IQSEC3: variants seen among roughly 807,000 people sequenced by gnomAD.
The protein encoded by IQSEC3 is IQ motif and SEC7 domain-containing protein 3.
Under a neutral mutation model 105.4 loss-of-function variants are expected in IQSEC3, and 50 were observed. The ratio of observed to expected loss-of-function variants is 0.47; its 90% CI spans 0.38 to 0.60. The LOEUF is 0.60. Among genes scored for constraint, IQSEC3 ranks in the 20% least tolerant of loss-of-function variants. The probability of loss-of-function intolerance (pLI) is 0.00; values close to 1 mark genes in which losing one functional copy is unlikely to be tolerated. For synonymous variants in IQSEC3, 708 were observed against 746.0 expected (o/e 0.95, Z 0.83); for missense variants, 1,415 against 1,630.0 (o/e 0.87, Z 2.27).
chr12:145,960 C>T (rs782050271), intron 5 of IQSEC3, among the ~76,000 whole-genome samples: 6 of 152,172 alleles, frequency 3.9e-5, no homozygotes, highest in African/African-American at 9.7e-5. Context: ...GTTGAGCTGC[C>T]GGAAGAAAGC....
intron 7 of IQSEC3, among the ~76,000 whole-genome samples, chr12:158,457 C>T (rs934853130): frequency 2.0e-5 from 3 of 152,142 alleles, no homozygotes; most frequent in Non-Finnish European, 4.4e-5. Context: ...TGTGTACGGT[C>T]ACGTGCACTG....
intron 4 of IQSEC3, chr12:139,657 G>T (rs1865934461): frequency 3.0e-6 from 1 of 329,630 alleles, no homozygotes; most frequent in Non-Finnish European, 5.5e-6. Context: ...GTAAGAGAAT[G>T]TAAAAGAAAA....
chr12:177,391 T>C lies in IQSEC3; in HGVS notation c.*2358T>C, dbSNP rs929447502. On this transcript the variant is annotated 3_prime_UTR_variant, in exon 14 of 14. Coordinates refer to ENST00000538872, the MANE Select transcript of IQSEC3 (RefSeq NM_001170738.2). The surrounding 1 kb of genome is among the most constrained non-coding windows in gnomAD (Gnocchi z 5.3). ...CCTCCCACCTCAGCTGAAGCCCCAA[T>C]CTTCCAAATCGGAACCAGCAAGTCT... The C allele has an allele frequency of 6.6e-6, 1 of 152,132 alleles. No homozygotes were observed. Among genetic ancestry groups the C allele is most frequent in the Non-Finnish European group, 1.5e-5 (1 of 68,050 alleles). 9.4% of individuals were successfully genotyped at this position (152,132 alleles called of 1,614,324 possible).
At position 102,701 on chromosome 12, in the gene IQSEC3, CTG is replaced by C. The variant is rs200261074; in HGVS notation, c.623+3489_623+3490del. ...GCTGGGGGCTGGTGTCAGGGGAACT[CTG>C]TCTTGGGGCTGGGAGCCGGACAGGG... On this transcript the variant is annotated intron_variant, in intron 2 of 13. Coordinates refer to ENST00000538872, the MANE Select transcript of IQSEC3 (RefSeq NM_001170738.2). 8.6e-3 allele frequency among the ~76,000 whole-genome samples: 1,312 copies of C among 152,328 alleles called. 18 individuals carry two copies. The highest frequency in any genetic ancestry group is 0.028 in the African/African-American group (1,183 of 41,558).
intron 1 of IQSEC3, among the ~76,000 whole-genome samples, chr12:96,396 G>A (rs1448268676): frequency 6.6e-6 from 1 of 152,172 alleles, no homozygotes; most frequent in Non-Finnish European, 1.5e-5. Flanking sequence ...TTAAAAAGGT[G>A]CGAGACTCTT....
intron 2 of IQSEC3, among the ~76,000 whole-genome samples, chr12:110,874 C>G (rs1555079371): frequency 6.6e-6 from 1 of 152,152 alleles, no homozygotes; most frequent in Non-Finnish European, 1.5e-5. Flanking sequence ...TAAGAGGGTA[C>G]CTGTTAGACA....
At chr12:99,001 T>A in intron 1 of IQSEC3, 145 bp from the exon 2 acceptor site, 1 of 663,436 alleles carries the variant, frequency 1.5e-6, no homozygotes, top group Non-Finnish European at 2.6e-6. Flanking sequence ...CCCAGAGCAG[T>A]GATTGGCTGC....
intron 1 of IQSEC3, among the ~76,000 whole-genome samples, chr12:98,256 A>T (rs1864301014): frequency 6.6e-6 from 1 of 152,196 alleles, no homozygotes; most frequent in Non-Finnish European, 1.5e-5. Flanking sequence ...ACAGCATTTT[A>T]GAGGTGGAAG....
chr12:99,460 T>C (rs1337727095), intron 2 of IQSEC3, among the ~76,000 whole-genome samples: 1 of 152,158 alleles, frequency 6.6e-6, no homozygotes, highest in Admixed American at 6.5e-5. Context: ...GCTCCTTCCT[T>C]CTAAACGGCC....
intron 7 of IQSEC3, 108 bp downstream of exon 7, chr12:157,802 T>C: frequency 8.0e-7 from 1 of 1,256,986 alleles, no homozygotes; most frequent in Non-Finnish European, 1.1e-6. Flanking sequence ...GGTCACCTGC[T>C]GTCTGGGCCT....
intron 2 of IQSEC3, among the ~76,000 whole-genome samples, chr12:100,831 G>T (rs1230080267): frequency 6.6e-6 from 1 of 152,172 alleles, no homozygotes; most frequent in Non-Finnish European, 1.5e-5. Context: ...TGAAACGGTG[G>T]AGGGAGAAGG....
Position 171,163 on chromosome 12 carries a change from TA to T in IQSEC3, c.3114+4del. 3.1e-6 allele frequency: 5 copies of T among 1,613,930 alleles called. No homozygotes were observed. Among genetic ancestry groups the T allele is most frequent in the Non-Finnish European group, 4.2e-6 (5 of 1,179,958 alleles). ...AGGCCGGCGGAGAGCACGGTGGAGG[TA>T]AGTGGAGCCCTGGTTGCCCAGGTGA... On this transcript the variant is annotated splice_donor_region_variant and intron_variant, in intron 13 of 13. Coordinates refer to ENST00000538872, the MANE Select transcript of IQSEC3 (RefSeq NM_001170738.2).
intron 2 of IQSEC3, among the ~76,000 whole-genome samples, chr12:117,827 G>A (rs956993250): frequency 6.6e-6 from 1 of 152,216 alleles, no homozygotes; most frequent in African/African-American, 2.4e-5. Context: ...GAAGAGAGCC[G>A]GGACAGCCAC....
intron 3 of IQSEC3, among the ~76,000 whole-genome samples, chr12:127,265 A>T (rs570224208): frequency 1.6e-3 from 237 of 152,336 alleles, no homozygotes; most frequent in Non-Finnish European, 2.9e-3. Flanking sequence ...TCATACCTGT[A>T]ATCCCAGCAC....
chr12:71,676 T>A (rs1863324678), intron 1 of IQSEC3, among the ~76,000 whole-genome samples: 1 of 152,286 alleles, frequency 6.6e-6, no homozygotes, highest in Admixed American at 6.5e-5. Flanking sequence ...CCTCTGCTCA[T>A]CCTAAGTCCC....
chr12:119,460 A>C (rs1236663588), intron 2 of IQSEC3, among the ~76,000 whole-genome samples: 1 of 152,158 alleles, frequency 6.6e-6, no homozygotes, highest in African/African-American at 2.4e-5. Flanking sequence ...GGTATCTGGA[A>C]CCCAGAAAAG....
intron 3 of IQSEC3, among the ~76,000 whole-genome samples, chr12:126,323 G>A (rs573492586): frequency 1.6e-4 from 25 of 152,330 alleles, no homozygotes; most frequent in Admixed American, 9.1e-4. Context: ...AGGCACAAAC[G>A]AGGCACAAAG....
intron 5 of IQSEC3, among the ~76,000 whole-genome samples, chr12:151,801 G>A (rs779604695): frequency 1.4e-4 from 21 of 151,920 alleles, no homozygotes; most frequent in African/African-American, 2.9e-4. Flanking sequence ...CCTCCCTGCC[G>A]TGAGCCTTTG....
intron 13 of IQSEC3, among the ~76,000 whole-genome samples, chr12:173,575 G>A (rs1939119655): frequency 6.6e-6 from 1 of 152,172 alleles, no homozygotes; most frequent in African/African-American, 2.4e-5. Flanking sequence ...TCTGAGCACT[G>A]GCCCCAGGTG....
Sources: gnomAD v4.1 joint callset for allele counts (sites outside exome capture counted in the v4.1 genomes callset) on GRCh38, gnomAD v4.1.1 for gene constraint, Gnocchi (gnomAD v3.1) non-coding constraint, MANE v1.5 for transcripts, NCBI Gene and HGNC (gene_info 2026-07-23, HGNC 2026-07-21) for gene names.